UGCG: variants seen among roughly 807,000 people sequenced by gnomAD.
UGCG encodes UDP-glucose ceramide glucosyltransferase.
A neutral mutation model predicts 49.5 loss-of-function variants in UGCG; 10 were observed. That is an observed-to-expected ratio of 0.20 (90% CI 0.12 to 0.34). UGCG has a LOEUF of 0.34. UGCG is among the 10% of genes least tolerant of loss of function. The pLI is 1.00. For missense variants in UGCG, 312 were observed against 483.7 expected (o/e 0.65, Z 3.33); for synonymous variants, 182 against 158.2 (o/e 1.15, Z -1.13).
intron 1 of UGCG, among the ~76,000 whole-genome samples, chr9:111,905,509 G>A: frequency 6.6e-6 from 1 of 151,070 alleles, no homozygotes; most frequent in Non-Finnish European, 1.5e-5. Flanking sequence ...AGGCTGGAGT[G>A]CAGTGGCACA....
chr9:111,928,282 T>C (rs1838360991), intron 5 of UGCG, among the ~76,000 whole-genome samples: 1 of 152,202 alleles, frequency 6.6e-6, no homozygotes, highest in Non-Finnish European at 1.5e-5. Context: ...AATTTTTGTT[T>C]AGAAAAAGAA....
At chr9:111,904,954 C>T (rs1237114630) in intron 1 of UGCG, among the ~76,000 whole-genome samples, 2 of 152,134 alleles carry the variant, frequency 1.3e-5, no homozygotes, top group African/African-American at 4.8e-5. Flanking sequence ...AGCAAGACCC[C>T]ATCGCCACAG....
intron 1 of UGCG, among the ~76,000 whole-genome samples, chr9:111,905,590 G>A (rs1837866850): frequency 6.6e-6 from 1 of 151,896 alleles, no homozygotes; most frequent in African/African-American, 2.4e-5. Flanking sequence ...CAAGTTGCTG[G>A]GATTACAGGC....
intron 2 of UGCG, among the ~76,000 whole-genome samples, chr9:111,918,083 C>T (rs765146783): frequency 6.6e-6 from 1 of 151,892 alleles, no homozygotes; most frequent in Non-Finnish European, 1.5e-5. Context: ...GCTCTGTCAC[C>T]TGTGCTGGAG....
chr9:111,907,292 G>A (rs1011779043), intron 1 of UGCG, among the ~76,000 whole-genome samples: 1 of 152,168 alleles, frequency 6.6e-6, no homozygotes, highest in African/African-American at 2.4e-5. Context: ...GAGAGGTGGC[G>A]TGTGCACATG....
In UGCG at chr9:111,934,484, C is replaced by CA. The variant is rs1237240320; in HGVS notation, c.*1488dup. 19 of 152,112 alleles carry CA rather than the reference C, an allele frequency of 1.2e-4. No individual in the cohort carries two copies. Among genetic ancestry groups the CA allele is most frequent in the African/African-American group, 4.3e-4 (18 of 41,428 alleles). The allele number at this position is 152,112 out of a possible 1,614,324, so 9.4% of individuals were successfully genotyped here. ...ACAGGAATGCCTACTGCAGGGCTAA[C>CA]ACTGGCAATATGGCAGCTTTAAATT... On this transcript the variant is annotated 3_prime_UTR_variant, in exon 9 of 9. Transcript: ENST00000374279.
In UGCG at chr9:111,932,762, A is replaced by G. The variant is rs560331799; in HGVS notation, c.1015-65A>G. On this transcript the variant is annotated intron_variant, in intron 8 of 8. Coordinates refer to ENST00000374279, the MANE Select transcript of UGCG (RefSeq NM_003358.3). ...TAGAAAAGTGAAATCCAAGAATTTA[A>G]TTTTTTAACCTTGTCTTTAGTTTGA... 4.1e-5 allele frequency: 58 copies of G among 1,420,954 alleles called. No homozygotes were observed. The East Asian group carries it at 1.2e-3, about 29-fold the overall frequency. The allele number at this position is 1,420,954 out of a possible 1,614,324, so 88.0% of individuals were successfully genotyped here.
intron 1 of UGCG, among the ~76,000 whole-genome samples, chr9:111,901,980 C>A (rs1178507103): frequency 6.6e-6 from 1 of 152,238 alleles, no homozygotes; most frequent in East Asian, 1.9e-4. Flanking sequence ...GGTTACAGTT[C>A]AAACTCCTTA....
chr9:111,917,824 C>T (rs1838136055), intron 2 of UGCG, among the ~76,000 whole-genome samples: 1 of 152,132 alleles, frequency 6.6e-6, no homozygotes, highest in Non-Finnish European at 1.5e-5. Context: ...AGTTCATTTT[C>T]CACAGCATTG....
chr9:111,935,102 G>A lies in UGCG; in HGVS notation c.*2105G>A, dbSNP rs944847557. Reference sequence around the variant, plus strand: ...TGTAAATATAAACTAGGACAGTTCTGTAGGTTTGTTCAGTGTGCTAGTGGA... The same window carrying A: ...TGTAAATATAAACTAGGACAGTTCTATAGGTTTGTTCAGTGTGCTAGTGGA... On this transcript the variant is annotated 3_prime_UTR_variant, in exon 9 of 9. Coordinates refer to ENST00000374279, the MANE Select transcript of UGCG (RefSeq NM_003358.3). 2.6e-5 allele frequency: 4 copies of A among 152,194 alleles called. No homozygotes were observed. The highest frequency in any genetic ancestry group is 9.6e-5 in the African/African-American group (4 of 41,456). The allele number at this position is 152,194 out of a possible 1,614,324, so 9.4% of individuals were successfully genotyped here. A position where few individuals can be genotyped will look rare whatever the true frequency, so the allele number is the denominator to read the frequency against.
At chr9:111,905,185 C>T (rs1564197758) in intron 1 of UGCG, among the ~76,000 whole-genome samples, 1 of 152,114 alleles carries the variant, frequency 6.6e-6, no homozygotes. Context: ...CATTCATTTA[C>T]TTTTTAACCG....
chr9:111,918,930 AAAAAAAC>A (rs1400405092), intron 2 of UGCG, among the ~76,000 whole-genome samples: 3 of 135,244 alleles, frequency 2.2e-5, no homozygotes, highest in East Asian at 2.1e-4. Flanking sequence ...GTCTCAAAAA[AAAAAAAC>A]AAAAAACAAA....
chr9:111,918,778 AG>A (rs1452823478), intron 2 of UGCG, among the ~76,000 whole-genome samples: 2 of 152,124 alleles, frequency 1.3e-5, no homozygotes, highest in Non-Finnish European at 2.9e-5. Context: ...AAAAAAAATT[AG>A]CTGGGCGCAG....
intron 1 of UGCG, among the ~76,000 whole-genome samples, chr9:111,911,675 A>G: frequency 6.6e-6 from 1 of 151,596 alleles, no homozygotes; most frequent in Non-Finnish European, 1.5e-5. Flanking sequence ...AGGCAGGAGG[A>G]TTCTTTGAGC....
At chr9:111,927,105 A>G (rs1253234565) in intron 5 of UGCG, among the ~76,000 whole-genome samples, 1 of 151,940 alleles carries the variant, frequency 6.6e-6, no homozygotes, top group Non-Finnish European at 1.5e-5. Flanking sequence ...TCCTGACCTC[A>G]AGTGATCTGC....
chr9:111,918,930 A>AC (rs1329215118), intron 2 of UGCG, among the ~76,000 whole-genome samples: 1 of 135,244 alleles, frequency 7.4e-6, no homozygotes, highest in Non-Finnish European at 1.5e-5. Flanking sequence ...GTCTCAAAAA[A>AC]AAAAAACAAA....
At chr9:111,932,772 C>T (rs1186173971) in intron 8 of UGCG, 55 bp from the exon 9 acceptor site, 2 of 1,432,190 alleles carry the variant, frequency 1.4e-6, no homozygotes, top group Non-Finnish European at 1.9e-6. Flanking sequence ...ATTTTTTAAC[C>T]TTGTCTTTAG....
chr9:111,929,278 G>A, intron 5 of UGCG: 1 of 382,632 alleles, frequency 2.6e-6, no homozygotes, highest in Non-Finnish European at 4.6e-6. Flanking sequence ...ACCTTATTTT[G>A]TATCTAAATT....
intron 2 of UGCG, among the ~76,000 whole-genome samples, chr9:111,917,406 T>G (rs1356279303): frequency 6.6e-6 from 1 of 152,184 alleles, no homozygotes; most frequent in South Asian, 2.1e-4. Context: ...AGACAAGGCA[T>G]TTGTGTCACC....
Sources: gnomAD v4.1 joint callset for allele counts (sites outside exome capture counted in the v4.1 genomes callset) on GRCh38, gnomAD v4.1.1 for gene constraint, MANE v1.5 for transcripts, NCBI Gene and HGNC (gene_info 2026-07-23, HGNC 2026-07-21) for gene names.